HS6ST3: variants seen among roughly 807,000 people sequenced by gnomAD.
HS6ST3 encodes heparan sulfate 6-O-sulfotransferase 3.
Under a neutral mutation model 36.7 loss-of-function variants are expected in HS6ST3, and 12 were observed. That is an observed-to-expected ratio of 0.33 (90% CI 0.21 to 0.53). The LOEUF (loss-of-function observed/expected upper bound fraction) is 0.53, where lower values mean the gene tolerates loss of function less well. Among genes scored for constraint, HS6ST3 ranks in the 20% least tolerant of loss-of-function variants. The probability of loss-of-function intolerance (pLI) is 0.95; values close to 1 mark genes in which losing one functional copy is unlikely to be tolerated. For synonymous variants in HS6ST3, 240 were observed against 257.5 expected (o/e 0.93, Z 0.65); for missense variants, 584 against 640.9 (o/e 0.91, Z 0.96).
chr13:96,091,667 A>G, intron 1 of HS6ST3, 98 bp downstream of exon 1: 1 of 1,409,134 alleles, frequency 7.1e-7, no homozygotes. Flanking sequence ...GCCCCTGCCG[A>G]TGGTTTCCTG....
intron 1 of HS6ST3, among the ~76,000 whole-genome samples, chr13:96,691,347 A>G (rs958627901): frequency 3.9e-5 from 6 of 152,066 alleles, no homozygotes; most frequent in Non-Finnish European, 4.4e-5. Flanking sequence ...TTTGAACTCC[A>G]TAGTCTTTAA....
intron 1 of HS6ST3, among the ~76,000 whole-genome samples, chr13:96,727,061 ATCTT>A (rs1447367610): frequency 6.6e-6 from 1 of 152,186 alleles, no homozygotes; most frequent in African/African-American, 2.4e-5. Context: ...ATTAAAGTCT[ATCTT>A]TCTATCAGTT....
At chr13:96,779,049 C>G (rs1003276655) in intron 1 of HS6ST3, among the ~76,000 whole-genome samples, 7 of 152,066 alleles carry the variant, frequency 4.6e-5, no homozygotes, top group Admixed American at 2.0e-4. Context: ...AACCATCATT[C>G]TCAGCAAACT....
At chr13:96,776,323 CA>C (rs1418642614) in intron 1 of HS6ST3, among the ~76,000 whole-genome samples, 4 of 151,822 alleles carry the variant, frequency 2.6e-5, no homozygotes, top group East Asian at 1.9e-4. Context: ...TAGCAGAATA[CA>C]AAAAATAACT....
chr13:96,189,785 C>G (rs2054280478), intron 1 of HS6ST3, among the ~76,000 whole-genome samples: 1 of 152,174 alleles, frequency 6.6e-6, no homozygotes, highest in African/African-American at 2.4e-5. Flanking sequence ...CCTCTCATTG[C>G]AGTGGGCGTG....
intron 1 of HS6ST3, among the ~76,000 whole-genome samples, chr13:96,363,704 A>G (rs1321073258): frequency 6.6e-6 from 1 of 152,194 alleles, no homozygotes; most frequent in Non-Finnish European, 1.5e-5. Flanking sequence ...AAAAATGGAA[A>G]AGTCAAAAGA....
intron 1 of HS6ST3, among the ~76,000 whole-genome samples, chr13:96,586,459 C>G (rs1286897156): frequency 6.6e-6 from 1 of 152,060 alleles, no homozygotes; most frequent in African/African-American, 2.4e-5. Flanking sequence ...CCGTGCCTGG[C>G]TAATTTTTGT....
chr13:96,417,732 T>TCACACACACACACA (rs1211935095), intron 1 of HS6ST3, among the ~76,000 whole-genome samples: 99 of 137,294 alleles, frequency 7.2e-4, no homozygotes, highest in African/African-American at 1.3e-3. Flanking sequence ...ATAGCTTATT[T>TCACACACACACACA]CACACACACA....
chr13:96,242,446 T>C (rs1292716789), intron 1 of HS6ST3, among the ~76,000 whole-genome samples: 1 of 151,952 alleles, frequency 6.6e-6, no homozygotes, highest in Non-Finnish European at 1.5e-5. Context: ...CTTGAACCCC[T>C]GGGCCCAAGT....
intron 1 of HS6ST3, among the ~76,000 whole-genome samples, chr13:96,458,553 T>A (rs1051141635): frequency 2.0e-5 from 3 of 151,990 alleles, no homozygotes; most frequent in African/African-American, 7.3e-5. Context: ...CTGATTCTGA[T>A]TTGACTTTCT....
Position 96,832,679 on chromosome 13 carries a change from G to A in HS6ST3, c.897G>A (p.Met299Ile), listed in dbSNP as rs142184149. 1.0e-4 allele frequency: 168 copies of A among 1,613,914 alleles called. 1 individual carries two copies. Among genetic ancestry groups the A allele is most frequent in the Non-Finnish European group, 1.1e-4 (125 of 1,179,954 alleles). ...CTGGGGTCAGCTTGCGGGAGTTTAT[G>A]GATTGCACCTACAACCTGGCTAACA... ...DWSGVSLREF[M>I]DCTYNLANNR... The change falls in exon 2 of 2, where the codon ATG (methionine) becomes ATA (isoleucine). Residue 299 changes from methionine to isoleucine, a missense_variant. Transcript: ENST00000376705.
chr13:96,509,464 G>T (rs1277078667), intron 1 of HS6ST3, among the ~76,000 whole-genome samples: 1 of 152,026 alleles, frequency 6.6e-6, no homozygotes, highest in Admixed American at 6.6e-5. Flanking sequence ...CTTATAGAAT[G>T]TTTATAGTTT....
At chr13:96,470,762 C>T (rs921292515) in intron 1 of HS6ST3, among the ~76,000 whole-genome samples, 1 of 152,130 alleles carries the variant, frequency 6.6e-6, no homozygotes, top group African/African-American at 2.4e-5. Flanking sequence ...TGCTCAGTTG[C>T]GAGGCCATTT....
chr13:96,503,748 A>G (rs76373179), intron 1 of HS6ST3, among the ~76,000 whole-genome samples: 2,037 of 152,344 alleles, frequency 0.013, 17 homozygotes, highest in Non-Finnish European at 0.023. Flanking sequence ...CTTTAAGTCT[A>G]TGAACACACT....
At chr13:96,467,714 C>T (rs2055821142) in intron 1 of HS6ST3, among the ~76,000 whole-genome samples, 1 of 152,154 alleles carries the variant, frequency 6.6e-6, no homozygotes, top group South Asian at 2.1e-4. Context: ...CCCACCTAAT[C>T]CTTATAACAA....
At chr13:96,707,230 A>G (rs1227502346) in intron 1 of HS6ST3, among the ~76,000 whole-genome samples, 1 of 152,136 alleles carries the variant, frequency 6.6e-6, no homozygotes, top group Non-Finnish European at 1.5e-5. Context: ...CCCTTATAAG[A>G]AGAAACAAGA....
chr13:96,242,542 TA>T (rs1361976394), intron 1 of HS6ST3, among the ~76,000 whole-genome samples: 1 of 152,064 alleles, frequency 6.6e-6, no homozygotes, highest in African/African-American at 2.4e-5. Context: ...GGTCCTTACA[TA>T]AGTGGAATCA....
rs150351868 is a variant in HS6ST3, at chr13:96,299,812, A to G, written c.707+208243A>G. ...CCAGACCAGAAAATTAAAATATTCC[A>G]AATTATGATATGAACAAGTTATATT... On this transcript the variant is annotated intron_variant, in intron 1 of 1. Transcript: ENST00000376705. Among the ~76,000 whole-genome samples, 65 of 152,228 alleles carry G rather than the reference A, an allele frequency of 4.3e-4. No homozygotes were observed. In the South Asian group the frequency reaches 6.8e-3, roughly 16 times the overall value.
chr13:96,091,729 G>A (rs549338853), intron 1 of HS6ST3, among the ~76,000 whole-genome samples, 160 bp downstream of exon 1: 3 of 151,920 alleles, frequency 2.0e-5, no homozygotes, highest in Non-Finnish European at 4.4e-5. Context: ...GAAACCTCCG[G>A]ATAGTGCCTA....
Sources: gnomAD v4.1 joint callset for allele counts (sites outside exome capture counted in the v4.1 genomes callset) on GRCh38, gnomAD v4.1.1 for gene constraint, MANE v1.5 for transcripts, NCBI Gene and HGNC (gene_info 2026-07-23, HGNC 2026-07-21) for gene names.